The following RSRP1 variants were observed in gnomAD, a reference collection of about 807,000 sequenced individuals.
RSRP1 encodes arginine/serine-rich protein 1.
A neutral mutation model predicts 33.0 loss-of-function variants in RSRP1; 37 were observed. That is an observed-to-expected ratio of 1.12 (90% CI 0.86 to 1.48). RSRP1 has a LOEUF of 1.48. Among genes scored for constraint, RSRP1 ranks in the 40% most tolerant of loss-of-function variants. The pLI is 0.00. For synonymous variants in RSRP1, 167 were observed against 158.7 expected, an observed-to-expected ratio of 1.05 and a Z score of -0.40; for missense variants, 402 against 385.3, an observed-to-expected ratio of 1.04 and a Z score of -0.36.
In RSRP1 at chr1:25,247,291, C is replaced by T. The variant is rs938572875; in HGVS notation, c.-67+18G>A. 1 of 310,352 alleles carries T rather than the reference C, an allele frequency of 3.2e-6. No individual in the cohort carries two copies. Among genetic ancestry groups the T allele is most frequent in the African/African-American group, 2.1e-5 (1 of 46,682 alleles). 19.2% of individuals were successfully genotyped at this position (310,352 alleles called of 1,614,324 possible). ...CCACTGCGGTGGTCCTGAGAGACCC[C>T]GTCAGCAGAAAACTTACCGCACGCC... On this transcript the variant is annotated intron_variant, in intron 1 of 4. Transcript: ENST00000243189.
At chr1:25,313,508 T>C (rs1043338899) in intron 1 of RSRP1, among the ~76,000 whole-genome samples, 2 of 132,298 alleles carry the variant, frequency 1.5e-5, no homozygotes, top group African/African-American at 2.6e-5. Flanking sequence ...CACTGGGATA[T>C]AGTGTTCTGT....
chr1:25,282,904 A>G (rs1490503879), intron 1 of RSRP1, among the ~76,000 whole-genome samples: 1 of 131,184 alleles, frequency 7.6e-6, no homozygotes, highest in Non-Finnish European at 1.8e-5. Context: ...AAAAAAAAAA[A>G]TTGTCTACAT....
intron 1 of RSRP1, among the ~76,000 whole-genome samples, chr1:25,297,105 A>C (rs1319774058): frequency 8.2e-6 from 1 of 122,312 alleles, no homozygotes; most frequent in East Asian, 2.0e-4. Context: ...TCTTGCATTT[A>C]GTTCTCATGT....
chr1:25,243,827 C>T, intron 3 of RSRP1, 194 bp from the exon 4 acceptor site: 1 of 1,300,600 alleles, frequency 7.7e-7, no homozygotes, highest in Non-Finnish European at 9.8e-7. Flanking sequence ...TTAAGACACT[C>T]TTCCCATAAT....
intron 4 of RSRP1, 89 bp from the exon 5 acceptor site, chr1:25,242,794 A>G (rs1638960210): frequency 1.1e-6 from 1 of 908,986 alleles, no homozygotes; most frequent in Non-Finnish European, 1.7e-6. Flanking sequence ...CCCATGTATG[A>G]GCCTTAGAGA....
Position 25,283,015 on chromosome 1 carries a change from CT to C in RSRP1, c.-66-35987del, listed in dbSNP as rs1411146277. ...GGAAAAAAAATTCTTCAAGATCTCT[CT>C]CTCTCCAGTCATTTATTCATGTGCG... On this transcript the variant is annotated intron_variant, in intron 1 of 1. Coordinates refer to the RSRP1 transcript ENST00000561867. 1.5e-5 allele frequency among the ~76,000 whole-genome samples: 2 copies of C among 133,264 alleles called. 1 individual carries two copies. The highest frequency in any genetic ancestry group is 3.6e-5 in the Non-Finnish European group (2 of 56,156). 87.4% of individuals were successfully genotyped at this position (133,264 alleles called of 152,430 possible). A position where few individuals can be genotyped will look rare whatever the true frequency, so the allele number is the denominator to read the frequency against.
chr1:25,252,766 C>A (rs557226650), intron 1 of RSRP1, among the ~76,000 whole-genome samples: 1 of 148,458 alleles, frequency 6.7e-6, no homozygotes, highest in African/African-American at 2.5e-5. Context: ...AACCTCTGAC[C>A]TCAGGTGATC....
At position 25,308,946 on chromosome 1, in the gene RSRP1, G is replaced by A. The variant is rs1643994126; in HGVS notation, c.-67+29032C>T. Among the ~76,000 whole-genome samples, 3 of 131,758 alleles carry A rather than the reference G, an allele frequency of 2.3e-5. 1 individual carries two copies. Among genetic ancestry groups the A allele is most frequent in the Admixed American group, 7.3e-5 (1 of 13,626 alleles). The allele number at this position is 131,758 out of a possible 152,430, so 86.4% of individuals were successfully genotyped here. A position where few individuals can be genotyped will look rare whatever the true frequency, so the allele number is the denominator to read the frequency against. The stretch of plus-strand genomic sequence containing the variant: ...AAAATAAGACCTATGTCACAGGGTT[G>A]CTGTGCAGATTTAGCAACAGAACAT... On this transcript the variant is annotated intron_variant, in intron 1 of 1. Coordinates refer to the RSRP1 transcript ENST00000561867.
intron 1 of RSRP1, chr1:25,267,883 G>T (rs1640364780): frequency 7.6e-6 from 1 of 131,850 alleles, no homozygotes; most frequent in Non-Finnish European, 1.8e-5. Flanking sequence ...GCGGCGGAAA[G>T]CCCCTGAACC....
At chr1:25,293,445 T>C (rs1250786567) in intron 1 of RSRP1, among the ~76,000 whole-genome samples, 1 of 130,850 alleles carries the variant, frequency 7.6e-6, no homozygotes, top group Non-Finnish European at 1.8e-5. Flanking sequence ...AAATAACAAT[T>C]TATTACTTAT....
chr1:25,302,989 A>G lies in RSRP1; in HGVS notation c.-67+34989T>C, dbSNP rs1381352746. Among the ~76,000 whole-genome samples the G allele has an allele frequency of 1.2e-4, 16 of 130,464 alleles. 2 individuals are homozygous for G. Among genetic ancestry groups the G allele is most frequent in the African/African-American group, 4.2e-4 (16 of 37,884 alleles). The allele number at this position is 130,464 out of a possible 152,430, so 85.6% of individuals were successfully genotyped here. On this transcript the variant is annotated intron_variant, in intron 1 of 1. Coordinates refer to the RSRP1 transcript ENST00000561867. Reference sequence around the variant, plus strand: ...CAAGACCCTGTCTCTAAAAAATAAAACAAAAACCCATTCTTCCCGCTGCCC... The same window carrying G: ...CAAGACCCTGTCTCTAAAAAATAAAGCAAAAACCCATTCTTCCCGCTGCCC...
intron 3 of RSRP1, 118 bp from the exon 4 acceptor site, chr1:25,243,751 G>T: frequency 1.4e-6 from 2 of 1,464,932 alleles, no homozygotes; most frequent in Non-Finnish European, 1.8e-6. Flanking sequence ...AATCAACTTG[G>T]ATCTAACAGC....
intron 1 of RSRP1, among the ~76,000 whole-genome samples, chr1:25,321,580 T>C (rs186367469): frequency 8.1e-6 from 1 of 122,856 alleles, no homozygotes; most frequent in South Asian, 2.5e-4. Flanking sequence ...TGAGGCAGGA[T>C]AATCGCTTGA....
intron 1 of RSRP1, among the ~76,000 whole-genome samples, chr1:25,259,846 A>G (rs1640073866): frequency 6.6e-6 from 1 of 152,104 alleles, no homozygotes; most frequent in African/African-American, 2.4e-5. Flanking sequence ...TTGAAGAATT[A>G]ACAGCTTTGT....
chr1:25,244,284 C>A (rs541431042), intron 3 of RSRP1: 35 of 1,288,678 alleles, frequency 2.7e-5, no homozygotes, highest in East Asian at 2.2e-4. Flanking sequence ...CCCACCGTTA[C>A]AACGTGTACC....
chr1:25,282,762 C>T (rs1284751746), intron 1 of RSRP1, among the ~76,000 whole-genome samples: 1 of 129,850 alleles, frequency 7.7e-6, no homozygotes, highest in African/African-American at 2.6e-5. Flanking sequence ...CGTGGTGGCG[C>T]GCGCCTGTGG....
At chr1:25,329,252 T>TTG in intron 1 of RSRP1, 1 of 655,768 alleles carries the variant, frequency 1.5e-6, no homozygotes, top group Admixed American at 3.3e-5. Flanking sequence ...TTTTTTTTTT[T>TTG]TTTTTTTTTT....
chr1:25,307,759 T>A (rs557755316), intron 1 of RSRP1: 3 of 1,306,454 alleles, frequency 2.3e-6, no homozygotes, highest in Middle Eastern at 1.8e-4. Flanking sequence ...TACCGGTTCT[T>A]GGATGCCTTC....
At position 25,312,809 on chromosome 1, in the gene RSRP1, A is replaced by G. The variant is rs1209482110; in HGVS notation, c.-67+25169T>C. On this transcript the variant is annotated intron_variant, in intron 1 of 1. Transcript: ENST00000561867. ...GTGGCACACATCTGTAGTCCTAGCT[A>G]CTCAGGAGGCTGAGACAGGAGGATT... Among the ~76,000 whole-genome samples, 2 of 118,692 alleles carry G rather than the reference A, an allele frequency of 1.7e-5. 1 individual carries two copies. Among genetic ancestry groups the G allele is most frequent in the Non-Finnish European group, 4.0e-5 (2 of 50,044 alleles). 77.9% of individuals were successfully genotyped at this position (118,692 alleles called of 152,430 possible). A position where few individuals can be genotyped will look rare whatever the true frequency, so the allele number is the denominator to read the frequency against.
Sources: allele counts gnomAD v4.1 joint callset (sites outside exome capture counted in the v4.1 genomes callset), GRCh38; gene constraint gnomAD v4.1.1; transcripts MANE v1.5; gene names NCBI Gene and HGNC (gene_info 2026-07-23, HGNC 2026-07-21).